Variants in C4BPB observed in about 807,000 individuals in gnomAD.
C4BPB encodes the protein C4b-binding protein beta chain.
In C4BPB, 19 loss-of-function variants were observed where a neutral mutation model predicts 26.6. That is an observed-to-expected ratio of 0.71 (90% CI 0.50 to 1.05). The LOEUF (loss-of-function observed/expected upper bound fraction) is 1.05, where lower values mean the gene tolerates loss of function less well. C4BPB is among the 50% of genes least tolerant of loss of function. The pLI is 0.00. For missense variants in C4BPB, 282 were observed against 302.9 expected (o/e 0.93, Z 0.51); for synonymous variants, 118 against 103.5 (o/e 1.14, Z -0.85).
intron 4 of C4BPB, 129 bp downstream of exon 4, chr1:207,091,949 A>G: frequency 1.3e-6 from 1 of 761,214 alleles, no homozygotes; most frequent in Non-Finnish European, 2.0e-6. Context: ...TCTAGCAGAC[A>G]GCCATGAAAC....
chr1:207,096,195 T>A (rs912874781), intron 4 of C4BPB: 6 of 305,734 alleles, frequency 2.0e-5, no homozygotes, highest in Non-Finnish European at 3.7e-5. Flanking sequence ...ATTTTTCTTT[T>A]CTTGTACATT....
chr1:207,098,518 G>A (rs781391375), intron 6 of C4BPB, among the ~76,000 whole-genome samples: 20 of 152,182 alleles, frequency 1.3e-4, no homozygotes, highest in Non-Finnish European at 1.9e-4. Context: ...GTTGTCTCAT[G>A]TGCCTTATAG....
intron 4 of C4BPB, 31 bp downstream of exon 4, chr1:207,091,851 C>A (rs1277098363): frequency 8.3e-6 from 13 of 1,567,162 alleles, no homozygotes; most frequent in Non-Finnish European, 1.1e-5. Flanking sequence ...CAAGGATCCC[C>A]AAAATACTGA....
intron 4 of C4BPB, among the ~76,000 whole-genome samples, chr1:207,092,555 T>C (rs985969886): frequency 3.9e-4 from 59 of 152,036 alleles, no homozygotes; most frequent in African/African-American, 1.4e-3. Flanking sequence ...ATATTTTTTA[T>C]ATTTGGAACA....
rs909920301 is a variant in C4BPB at position 207,091,917 on chromosome 1, T to C, written c.409+97T>C. The C allele has an allele frequency of 1.1e-4, 110 of 1,042,862 alleles. No homozygotes were observed. The African/African-American group carries it at 1.6e-3, about 15-fold the overall frequency. The allele number at this position is 1,042,862 out of a possible 1,614,324, so 64.6% of individuals were successfully genotyped here. ...TCCCTGGGATGCTTTTCTCTTTTTT[T>C]GTATCAGAGACAGGCTTAAGATCTA... On this transcript the variant is annotated intron_variant, in intron 4 of 6. Transcript: ENST00000367078.
rs1401985034 is a variant in C4BPB, at chr1:207,090,320, C to T, written c.71C>T (p.Pro24Leu). 6.2e-7 allele frequency: 1 copy of T among 1,612,158 alleles called. No homozygotes were observed. The highest frequency in any genetic ancestry group is 1.3e-5 in the African/African-American group (1 of 74,814). The part of the protein sequence containing the change: ...RVSASDAEHC[P>L]ELPPVDNSIF... ...TTTTTTCTTCCAGCAGAGCACTGTCCAGAGCTTCCTCCAGTGGACAATAGC... is the reference window on the plus strand; with the variant it reads ...TTTTTTCTTCCAGCAGAGCACTGTCTAGAGCTTCCTCCAGTGGACAATAGC... Residue 24 changes from proline (P) to leucine (L), a missense_variant, in exon 3 of 7, where the codon CCA (proline) becomes CTA (leucine). Transcript: ENST00000367078.
At chr1:207,097,419 C>T (rs1176912513) in intron 5 of C4BPB, among the ~76,000 whole-genome samples, 2 of 151,516 alleles carry the variant, frequency 1.3e-5, no homozygotes, top group African/African-American at 2.4e-5. Flanking sequence ...CCCTATGTTG[C>T]TCAGGCTGGT....
At chr1:207,099,609 A>G (rs941204447) in intron 6 of C4BPB, among the ~76,000 whole-genome samples, 180 bp from the exon 7 acceptor site, 49 of 152,228 alleles carry the variant, frequency 3.2e-4, no homozygotes, top group African/African-American at 1.1e-3. Context: ...GATAATATTA[A>G]TAAGTATATT....
intron 4 of C4BPB, among the ~76,000 whole-genome samples, chr1:207,093,157 A>G (rs1684105746): frequency 1.3e-5 from 2 of 152,226 alleles, no homozygotes; most frequent in South Asian, 4.1e-4. Context: ...ATGAAAATTT[A>G]CTGAAAGATA....
chr1:207,095,698 T>C (rs1322982085), intron 4 of C4BPB: 2 of 335,030 alleles, frequency 6.0e-6, no homozygotes, highest in African/African-American at 4.4e-5. Flanking sequence ...TCATATTGAA[T>C]TGTAATCTCC....
chr1:207,096,486 C>A, intron 4 of C4BPB, 36 bp from the exon 5 acceptor site: 1 of 1,271,642 alleles, frequency 7.9e-7, no homozygotes, highest in South Asian at 1.2e-5. Flanking sequence ...CGTGCCTGGC[C>A]CTCATAACTA....
intron 1 of C4BPB, 167 bp from the exon 2 acceptor site, chr1:207,089,315 A>G: frequency 4.3e-6 from 2 of 468,436 alleles, no homozygotes; most frequent in Non-Finnish European, 7.6e-6. Context: ...GTATTTTTGC[A>G]GTTCCTCCCT....
intron 1 of C4BPB, 22 bp from the exon 2 acceptor site, chr1:207,089,460 G>T (rs1683932568): frequency 1.5e-6 from 2 of 1,351,878 alleles, no homozygotes; most frequent in African/African-American, 2.9e-5. Flanking sequence ...AGTGTTAGAA[G>T]ATCTATTTTT....
intron 4 of C4BPB, among the ~76,000 whole-genome samples, chr1:207,092,885 A>G (rs1432283500): frequency 2.6e-5 from 4 of 152,060 alleles, no homozygotes; most frequent in Admixed American, 6.6e-5. Flanking sequence ...TCGGCCTCCT[A>G]AAGTGCTGGG....
In C4BPB at chr1:207,098,183, C is replaced by A. The variant is rs1037697593; in HGVS notation, c.537C>A (p.Cys179Ter). Residue 179 changes from cysteine to a stop codon, truncating the protein, a stop_gained, in exon 6 of 7, where the codon TGC (cysteine) becomes TGA (stop). Transcript: ENST00000367078. LOFTEE classifies it high-confidence loss of function. ...TAGTGGGCGTGCAGGAGCAGCAATG[C>A]GTTGATGGGGAGTGGAGCAGTGCAC... ...YYLVGVQEQQ[C>*]VDGEWSSALP... 1.9e-6 allele frequency: 3 copies of A among 1,613,876 alleles called. No individual in the cohort carries two copies. Among genetic ancestry groups the A allele is most frequent in the East Asian group, 2.2e-5 (1 of 44,902 alleles).
Position 207,090,389 on chromosome 1 carries a change from A to G in C4BPB, c.140A>G (p.Tyr47Cys). ...GTGGAAGGACAGATTCTGGGGACTT[A>G]CGTTTGTATCAAGGGCTACCACCTG... ...KEVEGQILGT[Y>C]VCIKGYHLVG... Residue 47 changes from tyrosine to cysteine, a missense_variant, in exon 3 of 7, where the codon TAC becomes TGC. Tyr to Cys is a radical substitution (Grantham distance 194). Transcript: ENST00000367078. 1 of 1,614,054 alleles carries G rather than the reference A, an allele frequency of 6.2e-7. No homozygotes were observed. Among genetic ancestry groups the G allele is most frequent in the East Asian group, 2.2e-5 (1 of 44,876 alleles).
chr1:207,094,056 T>C (rs1271478615), intron 4 of C4BPB, among the ~76,000 whole-genome samples: 1 of 152,208 alleles, frequency 6.6e-6, no homozygotes, highest in Non-Finnish European at 1.5e-5. Context: ...CTTTTACTGA[T>C]CAGATTAGCA....
At chr1:207,097,565 G>C (rs1050562003) in intron 5 of C4BPB, among the ~76,000 whole-genome samples, 2 of 124,710 alleles carry the variant, frequency 1.6e-5, no homozygotes, top group African/African-American at 2.7e-5. Flanking sequence ...AAAAAAATCA[G>C]AGAATATAAA....
chr1:207,095,199 G>A (rs937833675), intron 4 of C4BPB: 5 of 428,506 alleles, frequency 1.2e-5, no homozygotes, highest in African/African-American at 1.0e-4. Context: ...GAAGCCAAGA[G>A]GAGCAAAATG....
Sources: gnomAD v4.1 joint callset for allele counts (sites outside exome capture counted in the v4.1 genomes callset) on GRCh38, gnomAD v4.1.1 for gene constraint, MANE v1.5 for transcripts, NCBI Gene and HGNC (gene_info 2026-07-23, HGNC 2026-07-21) for gene names.